The following YAF2 variants were observed in gnomAD, a reference collection of about 807,000 sequenced individuals.
The protein encoded by YAF2 is YY1-associated factor 2.
In YAF2, 7 loss-of-function variants were observed where a neutral mutation model predicts 20.1. The observed-to-expected ratio is 0.35, with a 90% CI of 0.20 to 0.65. The LOEUF (loss-of-function observed/expected upper bound fraction) is 0.65, where lower values mean the gene tolerates loss of function less well. YAF2 is among the 30% of genes least tolerant of loss of function. The probability of loss-of-function intolerance (pLI) is 0.69; values close to 1 mark genes in which losing one functional copy is unlikely to be tolerated. For synonymous variants in YAF2, 74 were observed against 76.0 expected, an observed-to-expected ratio of 0.97 and a Z score of 0.14; for missense variants, 151 against 219.2, an observed-to-expected ratio of 0.69 and a Z score of 1.96.
intron 2 of YAF2, among the ~76,000 whole-genome samples, chr12:42,163,415 G>C (rs2065842479): frequency 6.6e-6 from 1 of 152,192 alleles, no homozygotes; most frequent in African/African-American, 2.4e-5. Context: ...CTACACTACA[G>C]TAGAAGTAAA....
At chr12:42,197,931 C>T (rs1179996302) in intron 2 of YAF2, among the ~76,000 whole-genome samples, 1 of 152,076 alleles carries the variant, frequency 6.6e-6, no homozygotes, top group Non-Finnish European at 1.5e-5. Context: ...TATTAAGTCA[C>T]ATATGTTATA....
intron 2 of YAF2, among the ~76,000 whole-genome samples, chr12:42,172,803 T>C (rs2066082745): frequency 6.6e-6 from 1 of 152,216 alleles, no homozygotes; most frequent in Admixed American, 6.5e-5. Context: ...GAAATATTAT[T>C]TCACCATAAA....
chr12:42,233,597 G>A (rs1022936249), intron 2 of YAF2: 7 of 684,486 alleles, frequency 1.0e-5, no homozygotes, highest in African/African-American at 2.0e-5. Flanking sequence ...CTGCAACCTC[G>A]AACTCTGGGG....
chr12:42,188,918 T>C (rs1168779319), intron 2 of YAF2, among the ~76,000 whole-genome samples: 1 of 152,164 alleles, frequency 6.6e-6, no homozygotes, highest in Non-Finnish European at 1.5e-5. Context: ...ACAGACATGA[T>C]GAATCCAGTA....
At chr12:42,228,712 C>T (rs2067869665) in intron 2 of YAF2, among the ~76,000 whole-genome samples, 1 of 83,028 alleles carries the variant, frequency 1.2e-5, no homozygotes. Flanking sequence ...AGGTGAGGGG[C>T]GCCTCTGCCC....
intron 2 of YAF2, chr12:42,210,868 G>A: frequency 2.3e-6 from 1 of 431,728 alleles, no homozygotes; most frequent in African/African-American, 2.0e-5. Context: ...TCATTAGAAT[G>A]GTTTCATTTT....
intron 2 of YAF2, among the ~76,000 whole-genome samples, chr12:42,201,102 T>G (rs1236222704): frequency 6.6e-6 from 1 of 152,198 alleles, no homozygotes; most frequent in Non-Finnish European, 1.5e-5. Context: ...TGTAGGTAAT[T>G]CTCCATTGTA....
chr12:42,227,278 G>A (rs1454728433), intron 2 of YAF2, among the ~76,000 whole-genome samples: 1 of 92,650 alleles, frequency 1.1e-5, no homozygotes, highest in Non-Finnish European at 2.0e-5. Context: ...GGGAAGTGAG[G>A]AGTGTCTCTG....
chr12:42,176,596 C>G (rs1205070379), intron 2 of YAF2, among the ~76,000 whole-genome samples: 4 of 152,142 alleles, frequency 2.6e-5, no homozygotes, highest in African/African-American at 9.7e-5. Context: ...TGCTTTCCAT[C>G]CCCACCTTCA....
At chr12:42,212,885 A>G (rs552157347) in intron 2 of YAF2, among the ~76,000 whole-genome samples, 2 of 152,340 alleles carry the variant, frequency 1.3e-5, no homozygotes, top group South Asian at 4.2e-4. Context: ...TTCTAATTGG[A>G]ATAAATATCA....
In YAF2 at chr12:42,227,862, G is replaced by A. The variant is rs1490520548; in HGVS notation, c.152+9737C>T. ...AGGGAGGTGGGGGGGTCAGCCCCCCGCCCCGCCAGCCGCCCCGTCCGGGAG... is the reference window on the plus strand; with the variant it reads ...AGGGAGGTGGGGGGGTCAGCCCCCCACCCCGCCAGCCGCCCCGTCCGGGAG... On this transcript the variant is annotated intron_variant, in intron 2 of 3. Coordinates refer to ENST00000534854, the MANE Select transcript of YAF2 (RefSeq NM_005748.6). Among the ~76,000 whole-genome samples the A allele has an allele frequency of 2.8e-3, 348 of 124,558 alleles. 12 individuals carry two copies. In the East Asian group the frequency reaches 0.058, roughly 21 times the overall value. 81.7% of individuals were successfully genotyped at this position (124,558 alleles called of 152,430 possible).
At chr12:42,228,245 T>TG (rs1402974023) in intron 2 of YAF2, among the ~76,000 whole-genome samples, 1 of 41,804 alleles carries the variant, frequency 2.4e-5, no homozygotes, top group Admixed American at 2.8e-4. Context: ...TGGAGGGAGG[T>TG]GGGGGTGTCG....
chr12:42,218,039 A>G (rs1203093433), intron 2 of YAF2, among the ~76,000 whole-genome samples: 1 of 152,182 alleles, frequency 6.6e-6, no homozygotes, highest in Admixed American at 6.5e-5. Context: ...TATGGCAAAC[A>G]GTAAAAAATT....
chr12:42,226,339 A>G (rs2067695078), intron 2 of YAF2, among the ~76,000 whole-genome samples: 2 of 152,202 alleles, frequency 1.3e-5, no homozygotes, highest in Non-Finnish European at 2.9e-5. Flanking sequence ...AAAAATGCTA[A>G]GGTGTTCATG....
rs137872761 is a variant in YAF2, at chr12:42,160,688, G to A, written c.444C>T (p.His148=). Residue 148 remains histidine, a synonymous_variant, in exon 4 of 4, where the codon CAC becomes CAT. Transcript: ENST00000534854. ...PASSAASADQ[H]SQSGSSSDNT... is the part of the protein sequence containing the mutation. ...TATCAGAGCTAGAGCCGCTTTGACT[G>A]TGTTGATCTGCAGAAGCAGCACTAG... The A allele has an allele frequency of 1.1e-4, 176 of 1,613,786 alleles. No homozygotes were observed. In the African/African-American group the frequency reaches 1.7e-3, roughly 16 times the overall value.
At chr12:42,185,469 A>G (rs2066448915) in intron 2 of YAF2, among the ~76,000 whole-genome samples, 1 of 152,258 alleles carries the variant, frequency 6.6e-6, no homozygotes, top group African/African-American at 2.4e-5. Flanking sequence ...TGCTGTGAGT[A>G]AAATGCTATG....
intron 2 of YAF2, among the ~76,000 whole-genome samples, chr12:42,208,671 A>G (rs2067121124): frequency 6.6e-6 from 1 of 152,202 alleles, no homozygotes; most frequent in Admixed American, 6.5e-5. Flanking sequence ...TCTACTGAAG[A>G]ACTGAAGATA....
chr12:42,198,007 A>C (rs1346372779), intron 2 of YAF2, among the ~76,000 whole-genome samples: 1 of 152,172 alleles, frequency 6.6e-6, no homozygotes, highest in African/African-American at 2.4e-5. Context: ...AGTATCTACT[A>C]GGAAAAAAAG....
At chr12:42,194,662 A>G (rs755670919) in intron 2 of YAF2, among the ~76,000 whole-genome samples, 101 of 152,316 alleles carry the variant, frequency 6.6e-4, no homozygotes, top group Admixed American at 1.4e-3. Context: ...ATTATGTCCT[A>G]TAATATTCTA....
Sources: gnomAD v4.1 joint callset for allele counts (sites outside exome capture counted in the v4.1 genomes callset) on GRCh38, gnomAD v4.1.1 for gene constraint, MANE v1.5 for transcripts, NCBI Gene and HGNC (gene_info 2026-07-23, HGNC 2026-07-21) for gene names.